The following UCK2 variants were observed in gnomAD, a reference collection of about 807,000 sequenced individuals.
The protein encoded by UCK2 is uridine-cytidine kinase 2.
In UCK2, 6 loss-of-function variants were observed where a neutral mutation model predicts 30.8. That is an observed-to-expected ratio of 0.19 (90% CI 0.11 to 0.38). The LOEUF (loss-of-function observed/expected upper bound fraction) is 0.38, where lower values mean the gene tolerates loss of function less well. Among genes scored for constraint, UCK2 ranks in the 10% least tolerant of loss-of-function variants. The pLI is 1.00. For synonymous variants in UCK2, 125 were observed against 133.6 expected (o/e 0.94, Z 0.45); for missense variants, 210 against 339.8 (o/e 0.62, Z 3.00).
chr1:165,831,932 G>GT (rs923042060), intron 1 of UCK2, among the ~76,000 whole-genome samples: 25 of 152,002 alleles, frequency 1.6e-4, no homozygotes, highest in Non-Finnish European at 7.4e-5. Flanking sequence ...GGCCTGGCTA[G>GT]TTTTTTTGTA....
chr1:165,890,160 G>T, intron 1 of UCK2, 44 bp from the exon 2 acceptor site: 1 of 1,609,676 alleles, frequency 6.2e-7, no homozygotes, highest in South Asian at 1.1e-5. Context: ...TGTACCACAC[G>T]TGCCCTTTCT....
At chr1:165,855,937 A>T (rs1439696304) in intron 1 of UCK2, among the ~76,000 whole-genome samples, 1 of 152,132 alleles carries the variant, frequency 6.6e-6, no homozygotes, top group African/African-American at 2.4e-5. Flanking sequence ...CAGATTGACT[A>T]ACCTGTGGTT....
chr1:165,895,567 G>C (rs1301450920), intron 3 of UCK2: 1 of 985,406 alleles, frequency 1.0e-6, no homozygotes, highest in Admixed American at 6.1e-5. Flanking sequence ...TTGACCTGTG[G>C]CCACTTTGTT....
intron 1 of UCK2, among the ~76,000 whole-genome samples, chr1:165,835,928 C>G (rs1212067439): frequency 1.3e-5 from 2 of 152,056 alleles, no homozygotes; most frequent in Non-Finnish European, 2.9e-5. Context: ...GTATAAAATT[C>G]ATCAAAACAA....
intron 1 of UCK2, among the ~76,000 whole-genome samples, chr1:165,849,637 A>G (rs1654541387): frequency 6.6e-6 from 1 of 152,210 alleles, no homozygotes; most frequent in South Asian, 2.1e-4. Flanking sequence ...GAAACATGAA[A>G]TTTCTGCTTA....
At chr1:165,847,189 A>G (rs1381361862) in intron 1 of UCK2, among the ~76,000 whole-genome samples, 1 of 152,210 alleles carries the variant, frequency 6.6e-6, no homozygotes, top group Non-Finnish European at 1.5e-5. Flanking sequence ...TTCCTAGTGA[A>G]ATGATCTTGG....
chr1:165,888,643 T>A (rs1655683562), intron 1 of UCK2, among the ~76,000 whole-genome samples: 1 of 23,190 alleles, frequency 4.3e-5, no homozygotes, highest in Non-Finnish European at 9.7e-5. Context: ...TTTCTTCTTC[T>A]TTTTTTTTTT....
intron 1 of UCK2, among the ~76,000 whole-genome samples, chr1:165,842,994 T>A (rs964775296): frequency 1.3e-5 from 2 of 152,216 alleles, no homozygotes; most frequent in African/African-American, 4.8e-5. Flanking sequence ...GTGGTCACTT[T>A]TACTCATCCT....
chr1:165,870,901 TC>T (rs1655181011), intron 1 of UCK2, among the ~76,000 whole-genome samples: 1 of 152,246 alleles, frequency 6.6e-6, no homozygotes, highest in African/African-American at 2.4e-5. Context: ...CATTGCAACC[TC>T]CGCCGTCCAG....
At chr1:165,900,853 C>T (rs1419323890) in intron 4 of UCK2, among the ~76,000 whole-genome samples, 5 of 152,322 alleles carry the variant, frequency 3.3e-5, no homozygotes, top group Admixed American at 6.5e-5. Flanking sequence ...CAGCATCAGG[C>T]GTTTGCAGGG....
intron 3 of UCK2, among the ~76,000 whole-genome samples, chr1:165,893,075 A>G (rs1349188625): frequency 6.6e-6 from 1 of 152,168 alleles, no homozygotes; most frequent in Non-Finnish European, 1.5e-5. Flanking sequence ...AGGAGGAGAG[A>G]GGATCTGCAA....
chr1:165,842,000 T>G (rs1654342592), intron 1 of UCK2, among the ~76,000 whole-genome samples: 1 of 152,222 alleles, frequency 6.6e-6, no homozygotes, highest in South Asian at 2.1e-4. Context: ...AAAGTGTTAA[T>G]GACTATGCTA....
At chr1:165,897,171 T>C (rs1325385622) in intron 4 of UCK2, among the ~76,000 whole-genome samples, 1 of 151,078 alleles carries the variant, frequency 6.6e-6, no homozygotes, top group Non-Finnish European at 1.5e-5. Context: ...CACTACAAAG[T>C]AGGTTGGGGT....
At chr1:165,886,318 A>G (rs1655611308) in intron 1 of UCK2, among the ~76,000 whole-genome samples, 1 of 152,062 alleles carries the variant, frequency 6.6e-6, no homozygotes, top group Non-Finnish European at 1.5e-5. Flanking sequence ...TTTTAGAGAT[A>G]GAGTCTTGCT....
chr1:165,832,870 A>G (rs1654086090), intron 1 of UCK2, among the ~76,000 whole-genome samples: 1 of 152,014 alleles, frequency 6.6e-6, no homozygotes, highest in African/African-American at 2.4e-5. Flanking sequence ...TACAGGCATG[A>G]GCCTCTGTGC....
At chr1:165,907,151 A>G (rs766878542) in intron 6 of UCK2, among the ~76,000 whole-genome samples, 1 of 152,138 alleles carries the variant, frequency 6.6e-6, no homozygotes, top group Non-Finnish European at 1.5e-5. Context: ...AAAGCATTTG[A>G]TGTGTATTCC....
chr1:165,906,040 G>A (rs1647647816), intron 6 of UCK2, 71 bp downstream of exon 6: 3 of 1,458,580 alleles, frequency 2.1e-6, no homozygotes, highest in African/African-American at 1.4e-5. Flanking sequence ...GGGGCAGGAT[G>A]TGGTGACCCT....
rs1359877023 is a variant in UCK2 at position 165,827,815 on chromosome 1, A to T, written c.-19A>T. On this transcript the variant is annotated 5_prime_UTR_variant, in exon 1 of 7. Transcript: ENST00000367879. ...TGCGTCCGTTCGCACAGGCAGCGGG[A>T]GGAGGGGCGGCGCGAACCATGGCCG... 1.4e-6 allele frequency: 2 copies of T among 1,407,540 alleles called. No homozygotes were observed. The highest frequency in any genetic ancestry group is 9.3e-7 in the Non-Finnish European group (1 of 1,070,390). The allele number at this position is 1,407,540 out of a possible 1,614,324, so 87.2% of individuals were successfully genotyped here.
chr1:165,868,751 G>T (rs926693935), intron 1 of UCK2, among the ~76,000 whole-genome samples: 1 of 152,214 alleles, frequency 6.6e-6, no homozygotes, highest in Non-Finnish European at 1.5e-5. Flanking sequence ...CTTCGTATCA[G>T]TAATAAGGCT....
Sources: gnomAD v4.1 joint callset for allele counts (sites outside exome capture counted in the v4.1 genomes callset) on GRCh38, gnomAD v4.1.1 for gene constraint, MANE v1.5 for transcripts, NCBI Gene and HGNC (gene_info 2026-07-23, HGNC 2026-07-21) for gene names.